The following HSPA4L variants were observed in gnomAD, a reference collection of about 807,000 sequenced individuals.
The protein encoded by HSPA4L is heat shock 70 kDa protein 4L.
A neutral mutation model predicts 100.3 loss-of-function variants in HSPA4L; 48 were observed. The ratio of observed to expected loss-of-function variants is 0.48; its 90% confidence interval spans 0.38 to 0.61. HSPA4L has a LOEUF of 0.61. Ranked by LOEUF, HSPA4L falls within the 20% of genes least tolerant of loss-of-function variation. The pLI, the probability that HSPA4L is intolerant of heterozygous loss-of-function variation, is 0.00. For synonymous variants in HSPA4L, 319 were observed against 328.2 expected (o/e 0.97, Z 0.30); for missense variants, 886 against 988.6 (o/e 0.90, Z 1.39).
chr4:127,827,545 T>C, intron 17 of HSPA4L, 121 bp downstream of exon 17: 1 of 1,160,048 alleles, frequency 8.6e-7, no homozygotes, highest in South Asian at 1.8e-5. Context: ...TCCAGAGACT[T>C]TGTGTACCAA....
chr4:127,810,868 T>C (rs959385535), intron 11 of HSPA4L, among the ~76,000 whole-genome samples: 2 of 152,160 alleles, frequency 1.3e-5, no homozygotes, highest in African/African-American at 4.8e-5. Context: ...CTACCTGATT[T>C]TACTGCCTAA....
intron 4 of HSPA4L, among the ~76,000 whole-genome samples, chr4:127,799,195 C>A (rs537394247): frequency 6.6e-6 from 1 of 152,238 alleles, no homozygotes; most frequent in East Asian, 1.9e-4. Context: ...TATATTCCTA[C>A]TATTCAACTT....
At chr4:127,822,667 A>T (rs1733842522) in intron 14 of HSPA4L, 102 bp from the exon 15 acceptor site, 1 of 1,083,140 alleles carries the variant, frequency 9.2e-7, no homozygotes, top group South Asian at 1.7e-5. Context: ...TATTTTTTGT[A>T]TTGTAATCAT....
intron 1 of HSPA4L, among the ~76,000 whole-genome samples, chr4:127,788,798 CAAAGAATT>C (rs1348720752): frequency 1.3e-5 from 2 of 152,184 alleles, no homozygotes; most frequent in Non-Finnish European, 2.9e-5. Context: ...AGTGACCCAA[CAAAGAATT>C]ATCTGGGCCA....
chr4:127,822,771 GA>G lies in HSPA4L; in HGVS notation c.1817del (p.Lys606ArgfsTer2), dbSNP rs1461888443. On this transcript the variant is annotated frameshift_variant, in exon 15 of 19. Coordinates refer to ENST00000296464, the MANE Select transcript of HSPA4L (RefSeq NM_014278.4). LOFTEE classifies it high-confidence loss of function. ...CTAATCTGAAGCTTTTTGAATAGGG[GA>G]AGATGATCATGCAAGATAAGTTAGA... ...LLNSYIENEG[K>X]MIMQDKLEKE... The G allele has an allele frequency of 6.2e-7, 1 of 1,613,060 alleles. No individual in the cohort carries two copies. The highest frequency in any genetic ancestry group is 8.5e-7 in the Non-Finnish European group (1 of 1,179,634).
At chr4:127,813,882 G>T (rs1363310137) in intron 12 of HSPA4L, among the ~76,000 whole-genome samples, 1 of 152,170 alleles carries the variant, frequency 6.6e-6, no homozygotes, top group Non-Finnish European at 1.5e-5. Context: ...CTGACCTCCT[G>T]ATCCATCCAA....
intron 12 of HSPA4L, 105 bp from the exon 13 acceptor site, chr4:127,818,220 A>G (rs1449809790): frequency 1.5e-6 from 1 of 645,206 alleles, no homozygotes; most frequent in African/African-American, 1.9e-5. Flanking sequence ...AACTGTTTCT[A>G]CATTTTACAT....
At chr4:127,785,259 C>A (rs1342242396) in intron 1 of HSPA4L, among the ~76,000 whole-genome samples, 1 of 152,010 alleles carries the variant, frequency 6.6e-6, no homozygotes, top group Non-Finnish European at 1.5e-5. Flanking sequence ...ATTGAAGAGA[C>A]AAAATAATTT....
chr4:127,783,660 T>C, intron 1 of HSPA4L: 1 of 1,535,642 alleles, frequency 6.5e-7, no homozygotes, highest in Non-Finnish European at 8.7e-7. Flanking sequence ...GTATGAAACC[T>C]ATATTACTTT....
In HSPA4L at chr4:127,811,689, A is replaced by G; in HGVS notation, c.1578+53A>G. 5 of 1,304,824 alleles carry G rather than the reference A, an allele frequency of 3.8e-6. 1 individual carries two copies. The South Asian group carries it at 6.4e-5, about 17-fold the overall frequency. 80.8% of individuals were successfully genotyped at this position (1,304,824 alleles called of 1,614,324 possible). A position where few individuals can be genotyped will look rare whatever the true frequency, so the allele number is the denominator to read the frequency against. Reference sequence around the variant, plus strand: ...TTGTAATAGATAGTGTATACAGTATATCTTAATCATAACTGGGACTTTAAT... The same window carrying G: ...TTGTAATAGATAGTGTATACAGTATGTCTTAATCATAACTGGGACTTTAAT... On this transcript the variant is annotated intron_variant, in intron 12 of 18. Coordinates refer to ENST00000296464, the MANE Select transcript of HSPA4L (RefSeq NM_014278.4).
rs1410891120 is a variant in HSPA4L, at chr4:127,801,916, A to T, written c.661A>T (p.Lys221Ter). The change falls in exon 6 of 19, where the codon AAA (lysine) becomes TAA (stop). Residue 221 changes from lysine to a stop codon, truncating the protein, a stop_gained and splice_region_variant. Transcript: ENST00000296464. LOFTEE classifies it high-confidence loss of function. ...LVCAFNKGKL[K>*]VLATTFDPYL... ...TTGTGCTTTTAACAAAGGAAAACTTAAAGTAAGTAAACACATGGTTTGTTA... is the reference window on the plus strand; with the variant it reads ...TTGTGCTTTTAACAAAGGAAAACTTTAAGTAAGTAAACACATGGTTTGTTA... The T allele has an allele frequency of 6.3e-7, 1 of 1,594,700 alleles. No individual in the cohort carries two copies. The highest frequency in any genetic ancestry group is 8.5e-7 in the Non-Finnish European group (1 of 1,170,224).
Position 127,837,246 on chromosome 4 carries a change from G to A in HSPA4L, c.*4372G>A, listed in dbSNP as rs893555392. On this transcript the variant is annotated 3_prime_UTR_variant, in exon 19 of 19. Coordinates refer to ENST00000296464, the MANE Select transcript of HSPA4L (RefSeq NM_014278.4). ...ATTACAGGCGTGAGCCACCATACCC[G>A]GCCAAAAATTTTTGCTTTTAAAGTT... is the stretch of plus-strand genomic sequence containing the variant. 3 of 151,938 alleles carry A rather than the reference G, an allele frequency of 2.0e-5. No individual in the cohort carries two copies. Among genetic ancestry groups the A allele is most frequent in the Non-Finnish European group, 2.9e-5 (2 of 67,980 alleles). 9.4% of individuals were successfully genotyped at this position (151,938 alleles called of 1,614,324 possible). A position where few individuals can be genotyped will look rare whatever the true frequency, so the allele number is the denominator to read the frequency against.
chr4:127,790,250 T>C (rs1197921562), intron 1 of HSPA4L, among the ~76,000 whole-genome samples: 1 of 152,138 alleles, frequency 6.6e-6, no homozygotes, highest in Non-Finnish European at 1.5e-5. Flanking sequence ...TTCAGTGTAG[T>C]CAAGTGATGG....
rs1318322779 is a variant in HSPA4L at position 127,836,137 on chromosome 4, G to A, written c.*3263G>A. The stretch of plus-strand genomic sequence containing the variant: ...AATCCCAGCACTTTGGGAGGCCAAG[G>A]CGGGCAGATCACGAGGTCAGGAGAT... On this transcript the variant is annotated 3_prime_UTR_variant, in exon 19 of 19. Transcript: ENST00000296464. 6.6e-6 allele frequency: 1 copy of A among 151,902 alleles called. No homozygotes were observed. The allele number at this position is 151,902 out of a possible 1,614,324, so 9.4% of individuals were successfully genotyped here.
chr4:127,810,252 AT>A (rs1456886199), intron 11 of HSPA4L, among the ~76,000 whole-genome samples: 1 of 152,162 alleles, frequency 6.6e-6, no homozygotes, highest in Admixed American at 6.5e-5. Context: ...CAAATTTTAA[AT>A]TTTTTTCTAT....
intron 17 of HSPA4L, among the ~76,000 whole-genome samples, chr4:127,828,611 G>T (rs139594618): frequency 6.6e-5 from 10 of 152,168 alleles, no homozygotes; most frequent in African/African-American, 2.4e-4. Context: ...AGAAATAAGA[G>T]ATTTTTTAGT....
rs368046023 is a variant in HSPA4L at position 127,813,553 on chromosome 4, T to C, written c.1578+1917T>C. The C allele has an allele frequency of 2.2e-3, 433 of 193,452 alleles. 2 individuals are homozygous for C. The highest frequency in any genetic ancestry group is 0.011 in the South Asian group (105 of 9,274). The allele number at this position is 193,452 out of a possible 1,614,324, so 12.0% of individuals were successfully genotyped here. A position where few individuals can be genotyped will look rare whatever the true frequency, so the allele number is the denominator to read the frequency against. ...ATTATAATCCACAATAACTAAGATA[T>C]GTAAATTTAATCCATTAAGATTTAT... On this transcript the variant is annotated intron_variant, in intron 12 of 18. Transcript: ENST00000296464.
At chr4:127,827,261 A>G (rs1381687310) in intron 16 of HSPA4L, 44 bp from the exon 17 acceptor site, 1 of 1,574,712 alleles carries the variant, frequency 6.4e-7, no homozygotes, top group Middle Eastern at 1.8e-4. Flanking sequence ...TTTTCTGTTA[A>G]AACTCAAAAA....
At chr4:127,812,464 G>A (rs1733560774) in intron 12 of HSPA4L, among the ~76,000 whole-genome samples, 1 of 151,118 alleles carries the variant, frequency 6.6e-6, no homozygotes, top group Non-Finnish European at 1.5e-5. Context: ...AGAGTTATGT[G>A]ACCTGAATTT....
Sources: allele counts gnomAD v4.1 joint callset (sites outside exome capture counted in the v4.1 genomes callset), GRCh38; gene constraint gnomAD v4.1.1; transcripts MANE v1.5; gene names NCBI Gene and HGNC (gene_info 2026-07-23, HGNC 2026-07-21).